Variants in PON2 observed in about 807,000 individuals in gnomAD.
The protein encoded by PON2 is serum paraoxonase/arylesterase 2.
A neutral mutation model predicts 36.6 loss-of-function variants in PON2; 27 were observed. The observed-to-expected ratio is 0.74, with a 90% CI of 0.54 to 1.02. PON2 has a LOEUF of 1.02. Among genes scored for constraint, PON2 ranks in the 50% least tolerant of loss-of-function variants. PON2 has a pLI of 0.00. For synonymous variants in PON2, 149 were observed against 156.3 expected (o/e 0.95, Z 0.35); for missense variants, 363 against 421.1 (o/e 0.86, Z 1.21).
chr7:95,431,150 T>C (rs1167520217), intron 1 of PON2, among the ~76,000 whole-genome samples: 2 of 152,032 alleles, frequency 1.3e-5, no homozygotes, highest in Non-Finnish European at 2.9e-5. Flanking sequence ...ATTGCTCAAC[T>C]AGGGAGGGGT....
intron 1 of PON2, among the ~76,000 whole-genome samples, chr7:95,433,029 C>G (rs1375794748): frequency 5.9e-5 from 9 of 152,154 alleles, no homozygotes; most frequent in Admixed American, 5.9e-4. Context: ...ACCTTGACTG[C>G]TCATTAGAAT....
chr7:95,405,327 A>G lies in PON2; in HGVS notation c.*3T>C. The G allele has an allele frequency of 6.2e-7, 1 of 1,613,084 alleles. No individual in the cohort carries two copies. Among genetic ancestry groups the G allele is most frequent in the Non-Finnish European group, 8.5e-7 (1 of 1,179,134 alleles). On this transcript the variant is annotated 3_prime_UTR_variant, in exon 9 of 9. Transcript: ENST00000222572. ...TATCGCACTTTCATGCCAAAAGTACAATTTAGAGTTCACAATACAAGGCTC... is the reference window on the plus strand; with the variant it reads ...TATCGCACTTTCATGCCAAAAGTACGATTTAGAGTTCACAATACAAGGCTC...
In PON2 at chr7:95,424,500, T is replaced by C. The variant is rs961692528; in HGVS notation, c.145+15A>G. 6.2e-7 allele frequency: 1 copy of C among 1,605,886 alleles called. No individual in the cohort carries two copies. The highest frequency in any genetic ancestry group is 8.5e-7 in the Non-Finnish European group (1 of 1,172,724). ...AAAAATGCAATGTGCCCAACAAGCA[T>C]TTTCATATACATACCAATTCCTTTA... On this transcript the variant is annotated intron_variant, in intron 2 of 8. Transcript: ENST00000222572.
intron 2 of PON2, among the ~76,000 whole-genome samples, chr7:95,418,891 C>T (rs1789132170): frequency 1.3e-5 from 2 of 152,068 alleles, no homozygotes; most frequent in South Asian, 4.2e-4. Flanking sequence ...TGTGGTGAGC[C>T]CTTATATACC....
chr7:95,409,790 A>G, intron 6 of PON2, 111 bp downstream of exon 6: 3 of 735,174 alleles, frequency 4.1e-6, no homozygotes, highest in Non-Finnish European at 7.0e-6. Context: ...TATGTATAAT[A>G]TACCATAAAT....
At position 95,408,045 on chromosome 7, in the gene PON2, C is replaced by G. The variant is rs1179604207; in HGVS notation, c.696-977G>C. 3.9e-5 allele frequency among the ~76,000 whole-genome samples: 6 copies of G among 152,180 alleles called. No individual in the cohort carries two copies. The East Asian group carries it at 1.2e-3, about 29-fold the overall frequency. On this transcript the variant is annotated intron_variant, in intron 6 of 8. Transcript: ENST00000222572. The stretch of plus-strand genomic sequence containing the variant: ...GGGAGGTTGGAGGTGGCCTGTTAAA[C>G]AAAGTCCAACCCTTTACCCTGCCTT...
chr7:95,411,703 TG>T lies in PON2; in HGVS notation c.443del (p.Ala148GlufsTer8). The T allele has an allele frequency of 1.9e-6, 3 of 1,613,960 alleles. 1 individual carries two copies. The South Asian group carries it at 3.3e-5, about 18-fold the overall frequency. ...TTTTCAGATGCAACAGAGAATTTTC[TG>T]CTTCTTCAAATTTAAAAATTTCCAC... ...NTVEIFKFEE[A>X]ENSLLHLKTV... On this transcript the variant is annotated frameshift_variant, in exon 5 of 9. Coordinates refer to ENST00000222572, the MANE Select transcript of PON2 (RefSeq NM_000305.3). LOFTEE classifies it high-confidence loss of function.
intron 7 of PON2, 143 bp from the exon 8 acceptor site, chr7:95,406,390 G>T: frequency 1.1e-6 from 1 of 916,576 alleles, no homozygotes; most frequent in Non-Finnish European, 1.7e-6. Flanking sequence ...TGCTTAAAAG[G>T]AATGTATTAA....
chr7:95,417,516 A>G (rs940002009), intron 2 of PON2, among the ~76,000 whole-genome samples: 1 of 152,152 alleles, frequency 6.6e-6, no homozygotes. Flanking sequence ...ACGTTTCTGT[A>G]AAAACGGTCC....
intron 5 of PON2, among the ~76,000 whole-genome samples, chr7:95,411,431 G>C (rs980930320): frequency 6.6e-6 from 1 of 152,056 alleles, no homozygotes; most frequent in East Asian, 1.9e-4. Context: ...GCATAGAACA[G>C]TGAATAGTAT....
chr7:95,424,608 AAAAAC>A (rs746480779), intron 1 of PON2, 23 bp from the exon 2 acceptor site: 36 of 1,580,900 alleles, frequency 2.3e-5, no homozygotes, highest in Non-Finnish European at 3.0e-5. Context: ...AAAAAAAACA[AAAAAC>A]AAAAAACTAT....
intron 6 of PON2, 177 bp downstream of exon 6, chr7:95,409,724 A>T (rs1448654121): frequency 1.5e-5 from 3 of 200,102 alleles, no homozygotes; most frequent in Admixed American, 6.1e-5. Flanking sequence ...GACTAAGTAT[A>T]TGTAAATATA....
rs17876167 is a variant in PON2 at position 95,406,257 on chromosome 7, G to A, written c.778-10C>T. 12 of 1,608,612 alleles carry A rather than the reference G, an allele frequency of 7.5e-6. No individual in the cohort carries two copies. The highest frequency in any genetic ancestry group is 5.4e-5 in the African/African-American group (4 of 74,748). Reference sequence around the variant, plus strand: ...TATCCAGCTCAAGTACCTTCCAAATGAGAAATTGTCAAAATCTAAATGACA... The same window carrying A: ...TATCCAGCTCAAGTACCTTCCAAATAAGAAATTGTCAAAATCTAAATGACA... On this transcript the variant is annotated splice_polypyrimidine_tract_variant and intron_variant, in intron 7 of 8. Coordinates refer to ENST00000222572, the MANE Select transcript of PON2 (RefSeq NM_000305.3).
chr7:95,423,560 G>T (rs909284785), intron 2 of PON2, among the ~76,000 whole-genome samples: 1 of 152,012 alleles, frequency 6.6e-6, no homozygotes, highest in Admixed American at 6.6e-5. Context: ...CAAAATTGGG[G>T]CTTGCTCTTA....
intron 1 of PON2, among the ~76,000 whole-genome samples, chr7:95,430,899 T>TAAAA (rs11413689): frequency 7.0e-6 from 1 of 143,844 alleles, no homozygotes; most frequent in African/African-American, 2.6e-5. Context: ...GATGGTGGTT[T>TAAAA]AAAAAAAAAA....
intron 3 of PON2, chr7:95,415,022 C>A (rs1789029857): frequency 6.6e-6 from 1 of 152,188 alleles, no homozygotes; most frequent in Non-Finnish European, 1.5e-5. Context: ...TCTCACCTTT[C>A]TCATAAGTCT....
intron 3 of PON2, among the ~76,000 whole-genome samples, chr7:95,413,763 C>G (rs1000561785): frequency 3.2e-4 from 48 of 152,022 alleles, no homozygotes; most frequent in African/African-American, 1.1e-3. Context: ...ATAAAAAAGT[C>G]TTACTTTATG....
At chr7:95,417,988 T>A (rs2040993) in intron 2 of PON2, among the ~76,000 whole-genome samples, 40,624 of 151,872 alleles carry the variant, frequency 0.27, 5,863 homozygotes, top group South Asian at 0.36. Flanking sequence ...AATCTTTTTT[T>A]AAAAAAATAC....
chr7:95,430,664 G>A (rs1363792082), intron 1 of PON2, among the ~76,000 whole-genome samples: 2 of 151,990 alleles, frequency 1.3e-5, no homozygotes, highest in African/African-American at 4.8e-5. Context: ...GGAGGCTGAG[G>A]TGGGAGGATT....
Sources: gnomAD v4.1 joint callset for allele counts (sites outside exome capture counted in the v4.1 genomes callset) on GRCh38, gnomAD v4.1.1 for gene constraint, MANE v1.5 for transcripts, NCBI Gene and HGNC (gene_info 2026-07-23, HGNC 2026-07-21) for gene names.